The following LAMA3 variants were observed in gnomAD, a reference collection of about 807,000 sequenced individuals.
LAMA3 encodes the protein laminin subunit alpha 3, also known as laminin subunit alpha-3.
Under a neutral mutation model 402.0 loss-of-function variants are expected in LAMA3, and 281 were observed. That is an observed-to-expected ratio of 0.70 (90% CI 0.63 to 0.77). The LOEUF (loss-of-function observed/expected upper bound fraction) is 0.77. LAMA3 is among the 30% of genes least tolerant of loss of function. The probability of loss-of-function intolerance (pLI) is 0.00; values close to 1 mark genes in which losing one functional copy is unlikely to be tolerated. For missense variants in LAMA3, 3,840 were observed against 4,215.5 expected, an observed-to-expected ratio of 0.91 and a Z score of 2.47; for synonymous variants, 1,431 against 1,558.4, an observed-to-expected ratio of 0.92 and a Z score of 1.93.
chr18:23,891,312 G>C lies in LAMA3; in HGVS notation c.5410+1195G>C, dbSNP rs1231923970. ...TTGTGACAAGAGTCTGTCCAGGTGT[G>C]TTGACAGACTTCAGTCTTTCTCCCT... On this transcript the variant is annotated intron_variant, in intron 42 of 74. Transcript: ENST00000313654. Among the ~76,000 whole-genome samples the C allele has an allele frequency of 1.3e-5, 2 of 152,222 alleles. 1 individual carries two copies. Among genetic ancestry groups the C allele is most frequent in the Admixed American group, 1.3e-4 (2 of 15,294 alleles).
chr18:23,816,353 T>G, intron 17 of LAMA3, 35 bp from the exon 18 acceptor site: 2 of 1,564,710 alleles, frequency 1.3e-6, no homozygotes, highest in South Asian at 2.2e-5. Context: ...TGGAGATGGT[T>G]TAAGGTATAA....
chr18:23,753,950 G>C, intron 6 of LAMA3, 138 bp downstream of exon 6: 2 of 710,540 alleles, frequency 2.8e-6, no homozygotes, highest in South Asian at 1.5e-5. Flanking sequence ...TAGGTGGGGG[G>C]TGTGTGCCTC....
In LAMA3 at chr18:23,826,659, A is replaced by G. The variant is rs779379911; in HGVS notation, c.2572-43A>G. 3.8e-6 allele frequency: 5 copies of G among 1,332,494 alleles called. No individual in the cohort carries two copies. The South Asian group carries it at 6.3e-5, about 17-fold the overall frequency. The allele number at this position is 1,332,494 out of a possible 1,614,324, so 82.5% of individuals were successfully genotyped here. ...ATTATTTTCTATCCAAAGTAGGGCT[A>G]CCATCAAAATGAATGATTCTCCTTT... is the stretch of plus-strand genomic sequence containing the variant. On this transcript the variant is annotated intron_variant, in intron 21 of 74. Transcript: ENST00000313654.
chr18:23,775,714 C>T (rs1331683565), intron 9 of LAMA3, 78 bp from the exon 10 acceptor site: 12 of 1,523,850 alleles, frequency 7.9e-6, no homozygotes, highest in African/African-American at 1.4e-5. Flanking sequence ...TGGAACGTTG[C>T]CTGGGAAGTG....
intron 64 of LAMA3, 87 bp downstream of exon 64, chr18:23,928,852 TGGA>T: frequency 7.8e-7 from 1 of 1,278,636 alleles, no homozygotes; most frequent in Non-Finnish European, 1.1e-6. Flanking sequence ...TAGAAAGTGG[TGGA>T]GTTGTACATT....
At chr18:23,886,639 A>G (rs1399589850) in intron 41 of LAMA3, among the ~76,000 whole-genome samples, 3 of 152,178 alleles carry the variant, frequency 2.0e-5, no homozygotes, top group Admixed American at 6.5e-5. Context: ...AAAAAAAGCC[A>G]ATTTGATAGA....
chr18:23,821,425 AAAT>A (rs1424057251), intron 19 of LAMA3, among the ~76,000 whole-genome samples: 1 of 152,258 alleles, frequency 6.6e-6, no homozygotes, highest in African/African-American at 2.4e-5. Flanking sequence ...TCGCTTAAAA[AAAT>A]ATCCCCTTCC....
intron 32 of LAMA3, among the ~76,000 whole-genome samples, chr18:23,854,582 A>C (rs903227953): frequency 6.6e-6 from 1 of 151,724 alleles, no homozygotes; most frequent in South Asian, 2.1e-4. Flanking sequence ...CGGAGCTTGC[A>C]GTGAGCCGAG....
intron 41 of LAMA3, among the ~76,000 whole-genome samples, chr18:23,887,270 A>G (rs148285919): frequency 7.3e-4 from 111 of 152,272 alleles, no homozygotes; most frequent in Non-Finnish European, 1.5e-3. Context: ...TTGAGCTGCA[A>G]TTAGGAGGTA....
At chr18:23,790,468 C>G in intron 12 of LAMA3, among the ~76,000 whole-genome samples, 1 of 152,154 alleles carries the variant, frequency 6.6e-6, no homozygotes, top group Non-Finnish European at 1.5e-5. Context: ...TTACTGTGAA[C>G]ATGGCCAAAA....
intron 52 of LAMA3, among the ~76,000 whole-genome samples, chr18:23,907,041 CTG>C (rs2081272813): frequency 6.6e-6 from 1 of 152,236 alleles, no homozygotes; most frequent in Non-Finnish European, 1.5e-5. Context: ...TACTTTGTGT[CTG>C]TATTTGCCTG....
chr18:23,933,314 G>A (rs750303964), intron 66 of LAMA3, among the ~76,000 whole-genome samples: 9 of 152,120 alleles, frequency 5.9e-5, no homozygotes, highest in Admixed American at 2.0e-4. Flanking sequence ...GCTCCTCGCC[G>A]GCTTCTAGAG....
intron 1 of LAMA3, among the ~76,000 whole-genome samples, chr18:23,690,872 A>ATTTAT (rs2060573607): frequency 1.0e-4 from 14 of 136,994 alleles, no homozygotes; most frequent in Admixed American, 2.2e-4. Context: ...AGGCCTGGCA[A>ATTTAT]TTATTTATTT....
chr18:23,706,799 C>A (rs1195893142), intron 1 of LAMA3, among the ~76,000 whole-genome samples: 1 of 152,172 alleles, frequency 6.6e-6, no homozygotes, highest in Non-Finnish European at 1.5e-5. Context: ...ACAGTTTTGG[C>A]CAGGTGCGGT....
intron 62 of LAMA3, among the ~76,000 whole-genome samples, chr18:23,923,696 G>A (rs2081919313): frequency 6.6e-6 from 1 of 152,176 alleles, no homozygotes. Context: ...TGAAGCTCAG[G>A]GCCAGGTAGT....
intron 23 of LAMA3, among the ~76,000 whole-genome samples, chr18:23,828,722 G>C (rs941913201): frequency 4.6e-5 from 7 of 152,184 alleles, no homozygotes; most frequent in Non-Finnish European, 7.3e-5. Context: ...CACAGAGCTA[G>C]TCAGCAGGAC....
At chr18:23,843,942 A>T (rs1395028115) in intron 29 of LAMA3, among the ~76,000 whole-genome samples, 1 of 151,348 alleles carries the variant, frequency 6.6e-6, no homozygotes, top group Non-Finnish European at 1.5e-5. Context: ...CAGCCTACCC[A>T]CTCACCCAGC....
chr18:23,763,547 T>C (rs1460609547), intron 8 of LAMA3, 24 bp downstream of exon 8: 2 of 1,328,664 alleles, frequency 1.5e-6, no homozygotes, highest in Non-Finnish European at 1.1e-6. Context: ...TAAATCAAAG[T>C]GGATGTGTTG....
intron 15 of LAMA3, 47 bp from the exon 16 acceptor site, chr18:23,815,141 G>C: frequency 6.4e-7 from 1 of 1,558,308 alleles, no homozygotes; most frequent in Non-Finnish European, 8.9e-7. Context: ...GCCAGGAACT[G>C]TCTTTTGTGT....
Sources: allele counts gnomAD v4.1 joint callset (sites outside exome capture counted in the v4.1 genomes callset), GRCh38; gene constraint gnomAD v4.1.1; transcripts MANE v1.5; gene names NCBI Gene and HGNC (gene_info 2026-07-23, HGNC 2026-07-21).